The following DOK6 variants were observed in gnomAD, a reference collection of about 807,000 sequenced individuals.
DOK6 encodes docking protein 6.
DOK6 carries 22 observed loss-of-function variants against 44.0 expected under a neutral mutation model. The observed-to-expected ratio is 0.50, with a 90% CI of 0.36 to 0.71. DOK6 has a LOEUF of 0.71. DOK6 is among the 30% of genes least tolerant of loss of function. The pLI, the probability that DOK6 is intolerant of heterozygous loss-of-function variation, is 0.00. For missense variants in DOK6, 340 were observed against 416.4 expected (o/e 0.82, Z 1.60); for synonymous variants, 166 against 145.5 (o/e 1.14, Z -1.01).
chr18:69,694,505 G>C (rs1325522152), intron 4 of DOK6, among the ~76,000 whole-genome samples: 1 of 150,628 alleles, frequency 6.6e-6, no homozygotes, highest in Admixed American at 6.6e-5. Context: ...TCCACCCTTG[G>C]TTTTTGTTTC....
intron 3 of DOK6, among the ~76,000 whole-genome samples, chr18:69,651,169 C>G (rs574206403): frequency 1.3e-5 from 2 of 152,154 alleles, no homozygotes; most frequent in Non-Finnish European, 1.5e-5. Context: ...CCGTCCTCCC[C>G]ACTTGAGCCT....
At chr18:69,549,887 C>A in intron 1 of DOK6, among the ~76,000 whole-genome samples, 1 of 141,738 alleles carries the variant, frequency 7.1e-6, no homozygotes, top group African/African-American at 2.5e-5. Flanking sequence ...TTTTTTTTGC[C>A]TATCTAGGAT....
intron 5 of DOK6, among the ~76,000 whole-genome samples, chr18:69,728,125 A>T (rs1444815353): frequency 3.9e-5 from 6 of 152,156 alleles, no homozygotes; most frequent in Admixed American, 3.9e-4. Context: ...TAGATTTCTC[A>T]CACCCTGCTC....
At chr18:69,770,650 C>T (rs1050291492) in intron 7 of DOK6, among the ~76,000 whole-genome samples, 1 of 152,022 alleles carries the variant, frequency 6.6e-6, no homozygotes, top group African/African-American at 2.4e-5. Context: ...TTAAAGCACA[C>T]CGTATATGTA....
At chr18:69,829,606 A>G (rs552872905) in intron 7 of DOK6, among the ~76,000 whole-genome samples, 21 of 152,198 alleles carry the variant, frequency 1.4e-4, no homozygotes, top group Non-Finnish European at 2.4e-4. Flanking sequence ...TAAATTCCCA[A>G]TGAATTAAAG....
intron 1 of DOK6, among the ~76,000 whole-genome samples, chr18:69,499,326 G>T (rs1980985019): frequency 6.6e-6 from 1 of 151,884 alleles, no homozygotes; most frequent in African/African-American, 2.4e-5. Context: ...CTGAAAAATA[G>T]AAAACTGTTT....
At chr18:69,747,326 A>AC (rs1979017554) in intron 6 of DOK6, among the ~76,000 whole-genome samples, 1 of 152,200 alleles carries the variant, frequency 6.6e-6, no homozygotes, top group Non-Finnish European at 1.5e-5. Context: ...ATACAAATGA[A>AC]TTTTATGTAA....
intron 1 of DOK6, among the ~76,000 whole-genome samples, chr18:69,496,577 G>A (rs1599159202): frequency 6.6e-6 from 1 of 152,252 alleles, no homozygotes; most frequent in East Asian, 1.9e-4. Flanking sequence ...CCATGTTTTT[G>A]GACACAATGT....
intron 1 of DOK6, among the ~76,000 whole-genome samples, chr18:69,499,565 G>T (rs535538557): frequency 4.7e-4 from 71 of 152,234 alleles, no homozygotes; most frequent in Middle Eastern, 3.4e-3. Flanking sequence ...TAATTTGGCA[G>T]GTAGATTTTA....
chr18:69,613,446 C>T (rs929354775), intron 3 of DOK6, among the ~76,000 whole-genome samples: 3 of 151,906 alleles, frequency 2.0e-5, no homozygotes, highest in Non-Finnish European at 2.9e-5. Context: ...AAGGAGATGA[C>T]GTAGAGAAAC....
intron 3 of DOK6, among the ~76,000 whole-genome samples, chr18:69,615,840 TGA>T (rs149620859): frequency 6.7e-6 from 1 of 149,960 alleles, no homozygotes; most frequent in Non-Finnish European, 1.5e-5. Flanking sequence ...TCAGAGAAAT[TGA>T]TGTGTTCAGT....
chr18:69,432,325 T>C (rs1978829051), intron 1 of DOK6, among the ~76,000 whole-genome samples: 1 of 152,134 alleles, frequency 6.6e-6, no homozygotes, highest in African/African-American at 2.4e-5. Flanking sequence ...ACATCTGTAG[T>C]CCCAGCTACT....
At chr18:69,409,187 T>G (rs978359466) in intron 1 of DOK6, among the ~76,000 whole-genome samples, 1 of 152,130 alleles carries the variant, frequency 6.6e-6, no homozygotes, top group African/African-American at 2.4e-5. Flanking sequence ...TGTGAAGAGG[T>G]GCCTTCCACC....
intron 3 of DOK6, among the ~76,000 whole-genome samples, chr18:69,638,347 G>A (rs544622642): frequency 6.6e-6 from 1 of 152,324 alleles, no homozygotes; most frequent in Non-Finnish European, 1.5e-5. Context: ...TCTGGCCTAT[G>A]AAGTAAAATA....
At chr18:69,637,699 C>G (rs935770448) in intron 3 of DOK6, among the ~76,000 whole-genome samples, 1 of 151,526 alleles carries the variant, frequency 6.6e-6, no homozygotes, top group Non-Finnish European at 1.5e-5. Flanking sequence ...TTTTAAAAGA[C>G]AACTTCTACC....
rs4020105 is a variant in DOK6 at position 69,841,963 on chromosome 18, C to CGTGTGTGTGT, written c.*589_*598dup. On this transcript the variant is annotated 3_prime_UTR_variant, in exon 8 of 8. Transcript: ENST00000382713. Reference sequence around the variant, plus strand: ...GTAGCTCTACTCGTGTGTGTGTGTGCGTGTGTGTGTGTGTGTGTAGACAAA... The same window carrying CGTGTGTGTGT: ...GTAGCTCTACTCGTGTGTGTGTGTGCGTGTGTGTGTGTGTGTGTGTGTGTGTGTAGACAAA... 3,834 of 150,214 alleles carry CGTGTGTGTGT rather than the reference C, an allele frequency of 0.026. 125 individuals are homozygous for CGTGTGTGTGT. The highest frequency in any genetic ancestry group is 0.075 in the African/African-American group (3,049 of 40,706). The allele number at this position is 150,214 out of a possible 1,614,324, so 9.3% of individuals were successfully genotyped here. A position where few individuals can be genotyped will look rare whatever the true frequency, so the allele number is the denominator to read the frequency against.
At chr18:69,750,058 T>TTATA (rs899759687) in intron 6 of DOK6, among the ~76,000 whole-genome samples, 2 of 147,232 alleles carry the variant, frequency 1.4e-5, no homozygotes, top group African/African-American at 4.9e-5. Flanking sequence ...TATATATATA[T>TTATA]TATATATATA....
intron 7 of DOK6, among the ~76,000 whole-genome samples, chr18:69,796,104 T>C (rs1260072995): frequency 2.0e-5 from 3 of 152,114 alleles, no homozygotes; most frequent in Non-Finnish European, 4.4e-5. Context: ...AGAGTCCCAA[T>C]TACTGGATTA....
At chr18:69,743,050 C>T (rs6566441) in intron 6 of DOK6, among the ~76,000 whole-genome samples, 1 of 151,996 alleles carries the variant, frequency 6.6e-6, no homozygotes, top group Non-Finnish European at 1.5e-5. Flanking sequence ...GAATCAGAAA[C>T]TGGTCTTGGC....
Sources: gnomAD v4.1 joint callset for allele counts (sites outside exome capture counted in the v4.1 genomes callset) on GRCh38, gnomAD v4.1.1 for gene constraint, MANE v1.5 for transcripts, NCBI Gene and HGNC (gene_info 2026-07-23, HGNC 2026-07-21) for gene names.